RTN1: variants seen among roughly 807,000 people sequenced by gnomAD.
RTN1 encodes reticulon 1.
Under a neutral mutation model 65.5 loss-of-function variants are expected in RTN1, and 25 were observed. That is an observed-to-expected ratio of 0.38 (90% CI 0.28 to 0.53). RTN1 has a LOEUF of 0.53. Among genes scored for constraint, RTN1 ranks in the 20% least tolerant of loss-of-function variants. The pLI, the probability that RTN1 is intolerant of heterozygous loss-of-function variation, is 0.79. For missense variants in RTN1, 983 were observed against 1,025.4 expected (o/e 0.96, Z 0.57); for synonymous variants, 471 against 447.6 (o/e 1.05, Z -0.66).
At chr14:59,818,164 C>T (rs1886856021) in intron 1 of RTN1, among the ~76,000 whole-genome samples, 1 of 152,208 alleles carries the variant, frequency 6.6e-6, no homozygotes, top group Non-Finnish European at 1.5e-5. Context: ...GGATAATAGC[C>T]TCCAGCTGCA....
At chr14:59,718,116 C>T (rs1455604970) in intron 3 of RTN1, among the ~76,000 whole-genome samples, 1 of 152,214 alleles carries the variant, frequency 6.6e-6, no homozygotes, top group Non-Finnish European at 1.5e-5. Context: ...CATTCACACC[C>T]ACTTCCACAA....
At chr14:59,603,333 T>A in intron 6 of RTN1, 75 bp from the exon 7 acceptor site, 1 of 1,109,756 alleles carries the variant, frequency 9.0e-7, no homozygotes, top group Non-Finnish European at 1.3e-6. Flanking sequence ...CATTTTTATA[T>A]GGTTATATGA....
At chr14:59,787,472 T>C (rs1282987101) in intron 1 of RTN1, among the ~76,000 whole-genome samples, 2 of 152,192 alleles carry the variant, frequency 1.3e-5, no homozygotes, top group African/African-American at 4.8e-5. Context: ...TCCTCCCCCT[T>C]GGTCAGCACT....
rs1212484111 is a variant in RTN1, at chr14:59,749,102, C to CTATATA, written c.242-2627_242-2622dup. 3.5e-4 allele frequency among the ~76,000 whole-genome samples: 26 copies of CTATATA among 74,152 alleles called. No homozygotes were observed. In the East Asian group the frequency reaches 6.5e-3, roughly 19 times the overall value. The allele number at this position is 74,152 out of a possible 152,430, so 48.6% of individuals were successfully genotyped here. A position where few individuals can be genotyped will look rare whatever the true frequency, so the allele number is the denominator to read the frequency against. The stretch of plus-strand genomic sequence containing the variant: ...CACGCCGGGGCATCTATATATATAT[C>CTATATA]TATATATATATATATATATATAGAT... On this transcript the variant is annotated intron_variant, in intron 1 of 8. Transcript: ENST00000267484.
At chr14:59,782,621 C>A (rs963111400) in intron 1 of RTN1, among the ~76,000 whole-genome samples, 1 of 152,054 alleles carries the variant, frequency 6.6e-6, no homozygotes, top group Non-Finnish European at 1.5e-5. Flanking sequence ...TATTAAGAGC[C>A]AATAAAGAGC....
At chr14:59,712,961 C>G (rs1348060286) in intron 3 of RTN1, among the ~76,000 whole-genome samples, 1 of 151,536 alleles carries the variant, frequency 6.6e-6, no homozygotes, top group Non-Finnish European at 1.5e-5. Flanking sequence ...CCCAAAGCCC[C>G]ATCTCATTGT....
chr14:59,697,770 C>T (rs537671841), intron 3 of RTN1, among the ~76,000 whole-genome samples: 4 of 152,238 alleles, frequency 2.6e-5, no homozygotes, highest in East Asian at 1.9e-4. Flanking sequence ...AAGTCAACAG[C>T]GTGATGTGGC....
rs137929352 is a variant in RTN1 at position 59,655,935 on chromosome 14, C to T, written c.1766-48443G>A. 1.7e-3 allele frequency among the ~76,000 whole-genome samples: 253 copies of T among 152,176 alleles called. 2 individuals are homozygous for T. Among genetic ancestry groups the T allele is most frequent in the African/African-American group, 5.8e-3 (242 of 41,524 alleles). ...CAAGACCCACACAAAAACTTGGATA[C>T]GAACATTCACAGAAGCATTGTTCAT... On this transcript the variant is annotated intron_variant, in intron 3 of 8. Transcript: ENST00000267484.
At chr14:59,807,081 G>A (rs577565963) in intron 1 of RTN1, among the ~76,000 whole-genome samples, 1 of 152,318 alleles carries the variant, frequency 6.6e-6, no homozygotes, top group South Asian at 2.1e-4. Context: ...GTTAAAGTTG[G>A]AGAGGCTGAG....
Position 59,744,125 on chromosome 14 carries a change from C to T in RTN1, c.1015+1583G>A, listed in dbSNP as rs1174201659. On this transcript the variant is annotated intron_variant, in intron 2 of 8. Coordinates refer to ENST00000267484, the MANE Select transcript of RTN1 (RefSeq NM_021136.3). ...CTATAGGGAAAGAAGATAGGAGGAA[C>T]TTTCATTAATTCTGTTCTATTCCAA... 5.3e-5 allele frequency among the ~76,000 whole-genome samples: 8 copies of T among 152,270 alleles called. No homozygotes were observed. The East Asian group carries it at 1.5e-3, about 29-fold the overall frequency.
chr14:59,597,315 A>G (rs1356757396), intron 8 of RTN1, among the ~76,000 whole-genome samples: 2 of 152,250 alleles, frequency 1.3e-5, no homozygotes, highest in Admixed American at 1.3e-4. Context: ...TCTATTAATT[A>G]GCTGTGTGGC....
intron 3 of RTN1, among the ~76,000 whole-genome samples, chr14:59,665,305 G>T (rs1226044416): frequency 1.3e-5 from 2 of 152,122 alleles, no homozygotes; most frequent in African/African-American, 4.8e-5. Flanking sequence ...TTAAAGAAAA[G>T]AATTTTCAAC....
At chr14:59,601,573 C>T (rs1192265348) in intron 8 of RTN1, among the ~76,000 whole-genome samples, 3 of 152,240 alleles carry the variant, frequency 2.0e-5, no homozygotes, top group East Asian at 3.9e-4. Flanking sequence ...TCTTTTTGGA[C>T]TCAACCAACA....
At position 59,603,990 on chromosome 14, in the gene RTN1, C is replaced by T. The variant is rs1881664760; in HGVS notation, c.2113-69G>A. On this transcript the variant is annotated intron_variant, in intron 5 of 8. Transcript: ENST00000267484. ...ACAAGTTAGAGTCTCATATCATTGA[C>T]TTTTACCTAGATTTGAATTTGAGTC... 4.1e-6 allele frequency: 5 copies of T among 1,218,308 alleles called. No homozygotes were observed. The East Asian group carries it at 1.2e-4, about 29-fold the overall frequency. 75.5% of individuals were successfully genotyped at this position (1,218,308 alleles called of 1,614,324 possible). A position where few individuals can be genotyped will look rare whatever the true frequency, so the allele number is the denominator to read the frequency against.
chr14:59,814,389 A>G (rs575822345), intron 1 of RTN1, among the ~76,000 whole-genome samples: 2 of 152,334 alleles, frequency 1.3e-5, no homozygotes, highest in South Asian at 4.1e-4. Context: ...GCATATTGGC[A>G]GTGAGGGCTG....
chr14:59,653,537 T>G lies in RTN1; in HGVS notation c.1766-46045A>C, dbSNP rs185043537. On this transcript the variant is annotated intron_variant, in intron 3 of 8. Coordinates refer to ENST00000267484, the MANE Select transcript of RTN1 (RefSeq NM_021136.3). The stretch of plus-strand genomic sequence containing the variant: ...ATGTAGTTTCTGTTTTTTATTTATT[T>G]AAGAATGAGACTATTCTATATGTAA... 1.4e-4 allele frequency among the ~76,000 whole-genome samples: 22 copies of G among 152,116 alleles called. No homozygotes were observed. The South Asian group carries it at 2.7e-3, about 19-fold the overall frequency.
chr14:59,829,402 A>G lies in RTN1; in HGVS notation c.241+40988T>C, dbSNP rs1204806121. Among the ~76,000 whole-genome samples, 1 of 152,230 alleles carries G rather than the reference A, an allele frequency of 6.6e-6. No individual in the cohort carries two copies. The highest frequency in any genetic ancestry group is 1.5e-5 in the Non-Finnish European group (1 of 68,042). ...AAAACACCTCTATTAGTCAAAATAG[A>G]ATAGTTAATGCTGAGGTGACCCCAA... On this transcript the variant is annotated intron_variant, in intron 1 of 8. Coordinates refer to ENST00000267484, the MANE Select transcript of RTN1 (RefSeq NM_021136.3). The surrounding 1 kb of genome is among the most constrained non-coding windows in gnomAD (Gnocchi z 4.3).
chr14:59,609,243 C>A (rs180807142), intron 3 of RTN1, among the ~76,000 whole-genome samples: 27 of 151,472 alleles, frequency 1.8e-4, no homozygotes, highest in Admixed American at 2.6e-4. Flanking sequence ...CAAGATGGCA[C>A]CATTGCACTC....
At chr14:59,800,989 A>T (rs759011621) in intron 1 of RTN1, among the ~76,000 whole-genome samples, 6 of 152,154 alleles carry the variant, frequency 3.9e-5, no homozygotes, top group Non-Finnish European at 8.8e-5. Flanking sequence ...TACTGGACAC[A>T]ACTGAGGAAA....
Sources: allele counts gnomAD v4.1 joint callset (sites outside exome capture counted in the v4.1 genomes callset), GRCh38; gene constraint gnomAD v4.1.1; non-coding constraint Gnocchi (gnomAD v3.1); transcripts MANE v1.5; gene names NCBI Gene and HGNC (gene_info 2026-07-23, HGNC 2026-07-21).